JAKMIP1: variants seen among roughly 807,000 people sequenced by gnomAD.
JAKMIP1 encodes janus kinase and microtubule-interacting protein 1.
In JAKMIP1, 33 loss-of-function variants were observed where a neutral mutation model predicts 113.0. That is an observed-to-expected ratio of 0.29 (90% confidence interval 0.22 to 0.39). The LOEUF is 0.39. JAKMIP1 is among the 10% of genes least tolerant of loss of function. The pLI, the probability that JAKMIP1 is intolerant of heterozygous loss-of-function variation, is 1.00. For missense variants in JAKMIP1, 813 were observed against 1,080.5 expected (o/e 0.75, Z 3.47); for synonymous variants, 480 against 459.9 (o/e 1.04, Z -0.56).
At chr4:6,045,781 A>C (rs1714907906) in intron 16 of JAKMIP1, among the ~76,000 whole-genome samples, 1 of 152,130 alleles carries the variant, frequency 6.6e-6, no homozygotes, top group Non-Finnish European at 1.5e-5. Context: ...GAAGCACGAG[A>C]ATCACTTGAA....
chr4:6,113,428 A>T (rs1296131365), intron 1 of JAKMIP1, among the ~76,000 whole-genome samples: 1 of 152,226 alleles, frequency 6.6e-6, no homozygotes, highest in Non-Finnish European at 1.5e-5. Flanking sequence ...ATGGTGGTCC[A>T]GGGAATCTGC....
In JAKMIP1 at chr4:6,059,752, C is replaced by T. The variant is rs1275123389; in HGVS notation, c.1644+672G>A. Among the ~76,000 whole-genome samples, 1 of 152,088 alleles carries T rather than the reference C, an allele frequency of 6.6e-6. No homozygotes were observed. The highest frequency in any genetic ancestry group is 1.5e-5 in the Non-Finnish European group (1 of 68,026). Reference sequence around the variant, plus strand: ...ACCTTGTCACATGGAGCCAGGGAGACGTTCAGGTTATGTCACCACAGCAGC... The same window carrying T: ...ACCTTGTCACATGGAGCCAGGGAGATGTTCAGGTTATGTCACCACAGCAGC... On this transcript the variant is annotated intron_variant, in intron 11 of 20. Transcript: ENST00000409021. The surrounding 1 kb of genome is among the most constrained non-coding windows in gnomAD (Gnocchi z 4.8).
intron 8 of JAKMIP1, among the ~76,000 whole-genome samples, chr4:6,066,513 G>A (rs755470408): frequency 1.1e-4 from 17 of 151,918 alleles, no homozygotes; most frequent in Non-Finnish European, 1.9e-4. Flanking sequence ...CGTCAGCTGC[G>A]TCCTTTATGG....
rs1033116969 is a variant in JAKMIP1 at position 6,192,185 on chromosome 4, A to G, written c.-148+8068T>C. 2.0e-5 allele frequency among the ~76,000 whole-genome samples: 3 copies of G among 152,084 alleles called. No homozygotes were observed. The highest frequency in any genetic ancestry group is 7.2e-5 in the African/African-American group (3 of 41,400). On this transcript the variant is annotated intron_variant, in intron 1 of 20. Coordinates refer to ENST00000409021, the MANE Select transcript of JAKMIP1 (RefSeq NM_001099433.2). The surrounding 1 kb of genome is among the most constrained non-coding windows in gnomAD (Gnocchi z 5.0). ...TGACCTCAGGTGATCCACCCTCCTC[A>G]GCCTCCCAAAGTGCTGGGATTACAG...
Position 6,093,477 on chromosome 4 carries a change from G to T in JAKMIP1, c.625-7848C>A, listed in dbSNP as rs1030716004. Among the ~76,000 whole-genome samples the T allele has an allele frequency of 3.9e-5, 6 of 152,144 alleles. No individual in the cohort carries two copies. The highest frequency in any genetic ancestry group is 8.8e-5 in the Non-Finnish European group (6 of 68,038). ...AACAGTGTCCAGCTCCCATTAAACT[G>T]ATTGTTTACTATTAACATGCAGCAA... is the stretch of plus-strand genomic sequence containing the variant. On this transcript the variant is annotated intron_variant, in intron 3 of 20. Transcript: ENST00000409021. The surrounding 1 kb of genome is among the most constrained non-coding windows in gnomAD (Gnocchi z 4.6).
intron 1 of JAKMIP1, among the ~76,000 whole-genome samples, chr4:6,115,041 T>C (rs1715528134): frequency 6.6e-6 from 1 of 152,200 alleles, no homozygotes; most frequent in African/African-American, 2.4e-5. Flanking sequence ...ATAGATTAAG[T>C]AAATGATGTC....
In JAKMIP1 at chr4:6,140,277, G is replaced by A. The variant is rs1467802923; in HGVS notation, c.-147-27280C>T. On this transcript the variant is annotated intron_variant, in intron 1 of 20. Coordinates refer to ENST00000409021, the MANE Select transcript of JAKMIP1 (RefSeq NM_001099433.2). The surrounding 1 kb of genome is among the most constrained non-coding windows in gnomAD (Gnocchi z 9.4). ...TTTTTTTTTTTTTTTCTGTGGGGAG[G>A]GACTTTCACCAACATTTGTGTGATA... Among the ~76,000 whole-genome samples, 7 of 150,238 alleles carry A rather than the reference G, an allele frequency of 4.7e-5. No individual in the cohort carries two copies. Among genetic ancestry groups the A allele is most frequent in the Admixed American group, 4.6e-4 (7 of 15,160 alleles).
intron 3 of JAKMIP1, 109 bp downstream of exon 3, chr4:6,105,364 C>T: frequency 8.3e-7 from 1 of 1,201,326 alleles, no homozygotes; most frequent in Non-Finnish European, 1.1e-6. Context: ...GGCCCCAGTG[C>T]TTTGAACAAT....
At chr4:6,079,079 G>A (rs1720115484) in intron 7 of JAKMIP1, 81 bp from the exon 8 acceptor site, 7 of 1,485,830 alleles carry the variant, frequency 4.7e-6, no homozygotes, top group South Asian at 2.3e-5. Context: ...AAAGGGAGCT[G>A]GGCCTGCCCA....
At chr4:6,096,851 T>C (rs1378904858) in intron 3 of JAKMIP1, among the ~76,000 whole-genome samples, 1 of 152,220 alleles carries the variant, frequency 6.6e-6, no homozygotes, top group Non-Finnish European at 1.5e-5. Flanking sequence ...TACATATAGC[T>C]GAAAGGTAAT....
rs1274412170 is a variant in JAKMIP1, at chr4:6,143,254, T to A, written c.-147-30257A>T. Among the ~76,000 whole-genome samples, 1 of 152,244 alleles carries A rather than the reference T, an allele frequency of 6.6e-6. No individual in the cohort carries two copies. The highest frequency in any genetic ancestry group is 1.5e-5 in the Non-Finnish European group (1 of 68,048). On this transcript the variant is annotated intron_variant, in intron 1 of 20. Transcript: ENST00000409021. The surrounding 1 kb of genome is among the most constrained non-coding windows in gnomAD (Gnocchi z 4.9). ...CACTATCTTAATTTTTGTTTTTATT[T>A]TCCTTTGGATACATTCTAAAAGCTT...
chr4:6,172,527 C>A (rs903976757), intron 1 of JAKMIP1, among the ~76,000 whole-genome samples: 2 of 151,928 alleles, frequency 1.3e-5, no homozygotes, highest in Non-Finnish European at 2.9e-5. Flanking sequence ...AGAGAGGACA[C>A]GGCCCTGGCC....
chr4:6,077,028 T>C (rs751269957), intron 8 of JAKMIP1, among the ~76,000 whole-genome samples: 3 of 152,198 alleles, frequency 2.0e-5, no homozygotes, highest in African/African-American at 4.8e-5. Flanking sequence ...TTTGGACATA[T>C]AAAATTACAG....
intron 16 of JAKMIP1, among the ~76,000 whole-genome samples, chr4:6,046,646 G>A (rs1409647588): frequency 6.6e-6 from 1 of 152,206 alleles, no homozygotes; most frequent in Non-Finnish European, 1.5e-5. Context: ...AGAGCATGGT[G>A]AGGGTCAAGG....
At position 6,062,396 on chromosome 4, in the gene JAKMIP1, G is replaced by C. The variant is rs369235121; in HGVS notation, c.1476C>G (p.Thr492=). 195 of 1,613,720 alleles carry C rather than the reference G, an allele frequency of 1.2e-4. No homozygotes were observed. Among genetic ancestry groups the C allele is most frequent in the Non-Finnish European group, 1.6e-4 (184 of 1,179,980 alleles). ...CGCGTTGCAGGGCCTGGTACTCCCG[G>C]GTCAGCTGGCAGAAGCGCAGGTCAG... ...EEADLRFCQL[T]REYQALQRAY... Residue 492 remains threonine (T), a synonymous_variant, in exon 10 of 21, where the codon ACC becomes ACG. Coordinates refer to ENST00000409021, the MANE Select transcript of JAKMIP1 (RefSeq NM_001099433.2).
intron 1 of JAKMIP1, among the ~76,000 whole-genome samples, chr4:6,169,325 G>T (rs1463465359): frequency 6.6e-6 from 1 of 152,036 alleles, no homozygotes; most frequent in Non-Finnish European, 1.5e-5. Flanking sequence ...GTACAGCTGG[G>T]GTCCTTATAA....
rs188221414 is a variant in JAKMIP1, at chr4:6,048,332, T to A, written c.2028+525A>T. Among the ~76,000 whole-genome samples the A allele has an allele frequency of 3.7e-4, 57 of 152,320 alleles. 1 individual carries two copies. The highest frequency in any genetic ancestry group is 1.2e-3 in the African/African-American group (51 of 41,568). ...CCAGTCATTCTGCTTCTAAAATATA[T>A]CTTATGGGCATATTTTAAGACGTAG... On this transcript the variant is annotated intron_variant, in intron 16 of 20. Transcript: ENST00000409021.
In JAKMIP1 at chr4:6,051,582, A is replaced by C. The variant is rs1237856501; in HGVS notation, c.1807-903T>G. Among the ~76,000 whole-genome samples the C allele has an allele frequency of 6.6e-6, 1 of 152,146 alleles. No individual in the cohort carries two copies. Among genetic ancestry groups the C allele is most frequent in the Non-Finnish European group, 1.5e-5 (1 of 68,026 alleles). On this transcript the variant is annotated intron_variant, in intron 13 of 20. Coordinates refer to ENST00000409021, the MANE Select transcript of JAKMIP1 (RefSeq NM_001099433.2). The surrounding 1 kb of genome is among the most constrained non-coding windows in gnomAD (Gnocchi z 5.0). ...GTTCTTTCCAATACAATCTGCCAAT[A>C]CCATTCACAATTGTTTTCTGAGCCA... is the stretch of plus-strand genomic sequence containing the variant.
Position 6,108,545 on chromosome 4 carries a change from C to G in JAKMIP1, c.130-2578G>C, listed in dbSNP as rs1240826723. ...AGAGTGAGTCAGATTCACCCCTTTC[C>G]ATCCTCATCCTCATCCAATCCAGCA... On this transcript the variant is annotated intron_variant, in intron 2 of 20. Coordinates refer to ENST00000409021, the MANE Select transcript of JAKMIP1 (RefSeq NM_001099433.2). This position sits in a 1 kb window ranked among gnomAD's most constrained non-coding sequence, Gnocchi z 5.6. 1.3e-5 allele frequency among the ~76,000 whole-genome samples: 2 copies of G among 152,106 alleles called. No individual in the cohort carries two copies. Among genetic ancestry groups the G allele is most frequent in the Non-Finnish European group, 2.9e-5 (2 of 68,030 alleles).
Sources: gnomAD v4.1 joint callset for allele counts (sites outside exome capture counted in the v4.1 genomes callset) on GRCh38, gnomAD v4.1.1 for gene constraint, Gnocchi (gnomAD v3.1) non-coding constraint, MANE v1.5 for transcripts, NCBI Gene and HGNC (gene_info 2026-07-23, HGNC 2026-07-21) for gene names.